Variants in LATS1 observed in about 807,000 individuals in gnomAD.
The protein encoded by LATS1 is large tumor suppressor kinase 1, also known as serine/threonine-protein kinase LATS1.
A neutral mutation model predicts 106.6 loss-of-function variants in LATS1; 25 were observed. The observed-to-expected ratio is 0.23, with a 90% CI of 0.17 to 0.33. LATS1 has a LOEUF of 0.33. LATS1 is among the 10% of genes least tolerant of loss of function. The pLI is 1.00. For missense variants in LATS1, 1,040 were observed against 1,382.6 expected (o/e 0.75, Z 3.93); for synonymous variants, 465 against 455.6 (o/e 1.02, Z -0.26).
chr6:149,670,339 C>T (rs966391070), intron 7 of LATS1, among the ~76,000 whole-genome samples: 1 of 151,772 alleles, frequency 6.6e-6, no homozygotes, highest in Admixed American at 6.6e-5. Context: ...TAGGAAGCAT[C>T]AGAGGTCCAC....
intron 3 of LATS1, among the ~76,000 whole-genome samples, chr6:149,691,686 C>T (rs567320922): frequency 3.5e-4 from 54 of 152,202 alleles, no homozygotes; most frequent in African/African-American, 1.3e-3. Context: ...AGCTTGGTTG[C>T]AGGCCATCTT....
At chr6:149,689,041 G>T (rs544416483) in intron 3 of LATS1, among the ~76,000 whole-genome samples, 154 of 152,234 alleles carry the variant, frequency 1.0e-3, no homozygotes, top group African/African-American at 2.9e-3. Context: ...GGTGGCACAT[G>T]CCTGTAATCC....
intron 1 of LATS1, chr6:149,716,265 G>A (rs1784387254): frequency 6.6e-6 from 1 of 152,142 alleles, no homozygotes; most frequent in South Asian, 2.1e-4. Flanking sequence ...TGTGGTGGGA[G>A]GATTGCTCGA....
chr6:149,699,107 G>T (rs539383427), intron 2 of LATS1, among the ~76,000 whole-genome samples: 25 of 148,690 alleles, frequency 1.7e-4, no homozygotes, highest in African/African-American at 5.1e-4. Context: ...AATAAAAAGA[G>T]TAGGTTAGGG....
intron 5 of LATS1, among the ~76,000 whole-genome samples, chr6:149,677,626 TAGAG>T: frequency 6.6e-6 from 1 of 152,230 alleles, no homozygotes; most frequent in South Asian, 2.1e-4. Context: ...AGCAGCTGGA[TAGAG>T]AAATTACGAA....
rs60729757 is a variant in LATS1 at position 149,706,183 on chromosome 6, C to CAAAAAAAAA, written c.-140-3926_-140-3918dup. Among the ~76,000 whole-genome samples, 15 of 25,300 alleles carry CAAAAAAAAA rather than the reference C, an allele frequency of 5.9e-4. 4 individuals are homozygous for CAAAAAAAAA. The highest frequency in any genetic ancestry group is 9.9e-4 in the Non-Finnish European group (14 of 14,072). 16.6% of individuals were successfully genotyped at this position (25,300 alleles called of 152,430 possible). On this transcript the variant is annotated intron_variant, in intron 1 of 7. Transcript: ENST00000543571. ...GGGCAACAAGAGCGAAACCCGGTCG[C>CAAAAAAAAA]AAAAAAAAAAAAAAAAAAAAAAAAA...
At chr6:149,706,808 C>T (rs1783797704) in intron 1 of LATS1, among the ~76,000 whole-genome samples, 1 of 152,136 alleles carries the variant, frequency 6.6e-6, no homozygotes, top group Non-Finnish European at 1.5e-5. Context: ...TGGAAGAAAA[C>T]TGGCCTTGCT....
intron 7 of LATS1, among the ~76,000 whole-genome samples, chr6:149,669,748 G>A (rs767686547): frequency 2.7e-4 from 41 of 151,806 alleles, no homozygotes; most frequent in Non-Finnish European, 4.9e-4. Flanking sequence ...GACAGAGCAA[G>A]ACCTTGTCAA....
chr6:149,684,443 A>C lies in LATS1; in HGVS notation c.646T>G (p.Ser216Ala). The C allele has an allele frequency of 6.2e-7, 1 of 1,614,088 alleles. No individual in the cohort carries two copies. Among genetic ancestry groups the C allele is most frequent in the Non-Finnish European group, 8.5e-7 (1 of 1,179,998 alleles). The change falls in exon 4 of 8, where the codon TCT becomes GCT. Residue 216 changes from serine to alanine, a missense_variant. By Grantham distance (99) the Ser-to-Ala change is moderately conservative. Around this residue, in one of 7 missense-constraint regions of LATS1, gnomAD observed 624 missense variants for 714.8 expected, o/e 0.87. Coordinates refer to ENST00000543571, the MANE Select transcript of LATS1 (RefSeq NM_004690.4). ...ACAAATGCTGATATACCAGATCCAG[A>C]CAAAGGTCTTCCTACATCTGTCTGT... ...NSQTDVGRPL[S>A]GSGISAFVQA...
At chr6:149,697,470 TTAA>T (rs1783168088) in intron 2 of LATS1, among the ~76,000 whole-genome samples, 2 of 152,222 alleles carry the variant, frequency 1.3e-5, no homozygotes, top group South Asian at 4.1e-4. Context: ...TCTGAAATCT[TTAA>T]GACGTTGAGC....
At chr6:149,711,929 G>A (rs1255910603) in intron 1 of LATS1, among the ~76,000 whole-genome samples, 1 of 152,038 alleles carries the variant, frequency 6.6e-6, no homozygotes, top group Non-Finnish European at 1.5e-5. Context: ...TGAGTAAGGG[G>A]AAAAGAAAAG....
chr6:149,680,521 G>C, intron 4 of LATS1, 64 bp from the exon 5 acceptor site: 1 of 1,203,594 alleles, frequency 8.3e-7, no homozygotes, highest in Non-Finnish European at 1.2e-6. Context: ...TTAAGAAATA[G>C]CTTGGGAAAA....
rs535310199 is a variant in LATS1, at chr6:149,658,446, G to A, written c.*3283C>T. On this transcript the variant is annotated 3_prime_UTR_variant, in exon 8 of 8. Coordinates refer to ENST00000543571, the MANE Select transcript of LATS1 (RefSeq NM_004690.4). The stretch of plus-strand genomic sequence containing the variant: ...CTTCCACAAAGGGATATATTAAGGC[G>A]CTTTACAAATATACCAATATTTTGA... 2.0e-5 allele frequency: 3 copies of A among 152,204 alleles called. No individual in the cohort carries two copies. The highest frequency in any genetic ancestry group is 4.8e-5 in the African/African-American group (2 of 41,540). 9.4% of individuals were successfully genotyped at this position (152,204 alleles called of 1,614,324 possible).
At chr6:149,681,266 T>C (rs1782021164) in intron 4 of LATS1, among the ~76,000 whole-genome samples, 1 of 152,224 alleles carries the variant, frequency 6.6e-6, no homozygotes, top group Admixed American at 6.5e-5. Context: ...TTTTGGCTAA[T>C]TAATAAAGAA....
chr6:149,676,550 T>C lies in LATS1; in HGVS notation c.2776+5A>G. The C allele has an allele frequency of 1.2e-6, 2 of 1,612,970 alleles. No individual in the cohort carries two copies. The highest frequency in any genetic ancestry group is 1.7e-6 in the Non-Finnish European group (2 of 1,179,294). On this transcript the variant is annotated splice_donor_5th_base_variant and intron_variant, in intron 6 of 7. Coordinates refer to ENST00000543571, the MANE Select transcript of LATS1 (RefSeq NM_004690.4). Reference sequence around the variant, plus strand: ...CTGAGAATATATATGAAAGAAGTGCTTTACCTGTTCGTAGCAACACTTCAG... The same window carrying C: ...CTGAGAATATATATGAAAGAAGTGCCTTACCTGTTCGTAGCAACACTTCAG...
intron 1 of LATS1, among the ~76,000 whole-genome samples, chr6:149,711,052 A>G (rs1398261034): frequency 6.6e-6 from 1 of 152,118 alleles, no homozygotes; most frequent in East Asian, 1.9e-4. Flanking sequence ...ACCATATTAA[A>G]GACGTAGCCT....
chr6:149,713,992 T>A (rs1313712780), intron 1 of LATS1, among the ~76,000 whole-genome samples: 1 of 151,756 alleles, frequency 6.6e-6, no homozygotes, highest in African/African-American at 2.4e-5. Context: ...ATTACTTTTT[T>A]TTTTTTGTGA....
rs1276860213 is a variant in LATS1 at position 149,659,137 on chromosome 6, T to C, written c.*2592A>G. On this transcript the variant is annotated 3_prime_UTR_variant, in exon 8 of 8. Transcript: ENST00000543571. ...AGGCATGTATACTGCTTCAGATAAATGCAAAAAGCTTATAGTATCAGAGGA... is the reference window on the plus strand; with the variant it reads ...AGGCATGTATACTGCTTCAGATAAACGCAAAAAGCTTATAGTATCAGAGGA... 6.0e-6 allele frequency: 1 copy of C among 165,938 alleles called. No homozygotes were observed. Among genetic ancestry groups the C allele is most frequent in the African/African-American group, 2.4e-5 (1 of 41,878 alleles). 10.3% of individuals were successfully genotyped at this position (165,938 alleles called of 1,614,324 possible).
At chr6:149,691,551 T>A (rs1453242379) in intron 3 of LATS1, among the ~76,000 whole-genome samples, 1 of 152,186 alleles carries the variant, frequency 6.6e-6, no homozygotes, top group Non-Finnish European at 1.5e-5. Context: ...TCCCTCCCCT[T>A]CTTGAAACAC....
Sources: gnomAD v4.1 joint callset for allele counts (sites outside exome capture counted in the v4.1 genomes callset) on GRCh38, gnomAD v4.1.1 for gene constraint, gnomAD v4.1.1 regional missense constraint, MANE v1.5 for transcripts, NCBI Gene and HGNC (gene_info 2026-07-23, HGNC 2026-07-21) for gene names.